ELMOD3: variants seen among roughly 807,000 people sequenced by gnomAD.
The protein encoded by ELMOD3 is ELMO domain-containing protein 3.
In ELMOD3, 36 loss-of-function variants were observed where a neutral mutation model predicts 47.4. The observed-to-expected ratio is 0.76, with a 90% confidence interval of 0.58 to 1.00. The LOEUF is 1.00. Ranked by LOEUF, ELMOD3 falls within the 50% of genes least tolerant of loss-of-function variation. ELMOD3 has a pLI of 0.00. For synonymous variants in ELMOD3, 149 were observed against 183.5 expected (o/e 0.81, Z 1.52); for missense variants, 404 against 463.8 (o/e 0.87, Z 1.18).
At chr2:85,363,018 G>C in intron 5 of ELMOD3, 79 bp from the exon 6 acceptor site, 1 of 871,626 alleles carries the variant, frequency 1.1e-6, no homozygotes, top group South Asian at 1.4e-5. Context: ...AGGACATTCA[G>C]TACAGTGGGT....
chr2:85,362,315 T>C, intron 5 of ELMOD3, 55 bp downstream of exon 5: 2 of 1,090,656 alleles, frequency 1.8e-6, no homozygotes, highest in Non-Finnish European at 2.9e-6. Flanking sequence ...TGTGTGTTAC[T>C]GTGTGGTGCC....
intron 8 of ELMOD3, among the ~76,000 whole-genome samples, chr2:85,370,712 G>T (rs192246738): frequency 1.0e-3 from 154 of 152,266 alleles, no homozygotes; most frequent in African/African-American, 3.6e-3. Context: ...ACTCTAGTGG[G>T]TCCCCACCTC....
At position 85,390,251 on chromosome 2, in the gene ELMOD3, G is replaced by C; in HGVS notation, c.929G>C (p.Gly310Ala). 2 of 1,614,148 alleles carry C rather than the reference G, an allele frequency of 1.2e-6. No homozygotes were observed. Among genetic ancestry groups the C allele is most frequent in the Non-Finnish European group, 1.7e-6 (2 of 1,180,026 alleles). The change falls in exon 13 of 14, where the codon GGC (glycine) becomes GCC (alanine). Residue 310 changes from glycine to alanine, a missense_variant. Transcript: ENST00000409013. ...RTQRKTISDS[G>A]FVLKELEVLA... Reference sequence around the variant, plus strand: ...CAGCGGAAGACCATCTCAGACTCGGGCTTTGTCCTCAAAGGTGTGCTCTTT... The same window carrying C: ...CAGCGGAAGACCATCTCAGACTCGGCCTTTGTCCTCAAAGGTGTGCTCTTT...
chr2:85,390,394 A>G (rs1411886733), intron 13 of ELMOD3, 129 bp downstream of exon 13: 2 of 1,614,038 alleles, frequency 1.2e-6, no homozygotes, highest in Middle Eastern at 1.6e-4. Context: ...ATTCCAGCTT[A>G]CCAAAATCTC....
At chr2:85,386,785 C>G (rs528728292) in intron 11 of ELMOD3, among the ~76,000 whole-genome samples, 1 of 152,136 alleles carries the variant, frequency 6.6e-6, no homozygotes, top group Non-Finnish European at 1.5e-5. Context: ...CACCTGAGGT[C>G]GGGAGGTCGA....
At chr2:85,378,517 C>T (rs1037297956) in intron 11 of ELMOD3, among the ~76,000 whole-genome samples, 10 of 152,098 alleles carry the variant, frequency 6.6e-5, no homozygotes, top group African/African-American at 2.2e-4. Context: ...GAAGCAAAAG[C>T]GGGAGGACTC....
chr2:85,369,431 G>T (rs1173424480), intron 7 of ELMOD3, among the ~76,000 whole-genome samples: 1 of 152,190 alleles, frequency 6.6e-6, no homozygotes, highest in Non-Finnish European at 1.5e-5. Context: ...TCTTATGTGG[G>T]TACCCACCCC....
chr2:85,364,825 A>ATATATATAT (rs375582916), intron 6 of ELMOD3, among the ~76,000 whole-genome samples: 43 of 69,898 alleles, frequency 6.2e-4, no homozygotes, highest in African/African-American at 1.9e-3. Context: ...ATATATATAT[A>ATATATATAT]TTTTTTTTTT....
intron 6 of ELMOD3, among the ~76,000 whole-genome samples, chr2:85,364,860 C>T (rs1296296413): frequency 1.9e-5 from 2 of 104,570 alleles, no homozygotes; most frequent in Non-Finnish European, 3.5e-5. Flanking sequence ...TTTCCAGAGA[C>T]AGGGTCTCAC....
In ELMOD3 at chr2:85,362,181, T is replaced by C. The variant is rs1454375788; in HGVS notation, c.55-5T>C. 18 of 1,559,618 alleles carry C rather than the reference T, an allele frequency of 1.2e-5. No individual in the cohort carries two copies. Among genetic ancestry groups the C allele is most frequent in the Non-Finnish European group, 1.6e-5 (18 of 1,130,166 alleles). ...CTAGGAGATTGACCCTTGTCTGTTT[T>C]ACAGGGTGAAAGATTGTCTGCTGGA... On this transcript the variant is annotated splice_polypyrimidine_tract_variant and splice_region_variant and intron_variant, in intron 4 of 13. Transcript: ENST00000409013.
chr2:85,363,065 A>G (rs768302094), intron 5 of ELMOD3, 32 bp from the exon 6 acceptor site: 12 of 1,445,398 alleles, frequency 8.3e-6, no homozygotes, highest in African/African-American at 4.2e-5. Context: ...TGTGGATTCT[A>G]TCCTCAAGCT....
At chr2:85,375,234 T>G (rs1214693972) in intron 10 of ELMOD3, among the ~76,000 whole-genome samples, 1 of 152,256 alleles carries the variant, frequency 6.6e-6, no homozygotes, top group Non-Finnish European at 1.5e-5. Flanking sequence ...TGGTCAATTT[T>G]CAGCTGTGAT....
chr2:85,387,172 C>G (rs747798289), intron 11 of ELMOD3: 2 of 1,273,178 alleles, frequency 1.6e-6, no homozygotes, highest in South Asian at 2.6e-5. Context: ...CCTGAAGGTA[C>G]AGAGGTATAC....
chr2:85,389,850 G>C (rs1165904175), intron 12 of ELMOD3, 23 bp downstream of exon 12: 14 of 1,603,064 alleles, frequency 8.7e-6, no homozygotes, highest in Non-Finnish European at 1.2e-5. Context: ...ACACCAGCTG[G>C]TTAGAGTGAC....
chr2:85,362,072 C>T (rs752697222), intron 4 of ELMOD3, 114 bp from the exon 5 acceptor site: 4 of 688,554 alleles, frequency 5.8e-6, no homozygotes, highest in Non-Finnish European at 7.6e-6. Flanking sequence ...TGTAACAAAC[C>T]TGCACATGTA....
intron 11 of ELMOD3, among the ~76,000 whole-genome samples, chr2:85,380,802 G>A (rs893856618): frequency 1.3e-5 from 2 of 152,138 alleles, no homozygotes; most frequent in Non-Finnish European, 2.9e-5. Context: ...TGAGATTACA[G>A]GCATGAGCCA....
At chr2:85,368,891 T>C in intron 7 of ELMOD3, 137 bp downstream of exon 7, 5 of 832,660 alleles carry the variant, frequency 6.0e-6, no homozygotes, top group Non-Finnish European at 9.7e-6. Context: ...CTATATAACA[T>C]AGATTACAGT....
chr2:85,369,893 T>C, intron 8 of ELMOD3, 63 bp downstream of exon 8: 1 of 1,591,488 alleles, frequency 6.3e-7, no homozygotes, highest in Non-Finnish European at 8.6e-7. Flanking sequence ...GCCAAGCCTC[T>C]ATCCCACCAG....
chr2:85,376,431 C>A lies in ELMOD3; in HGVS notation c.608-913C>A, dbSNP rs1271603297. On this transcript the variant is annotated intron_variant, in intron 10 of 13. Coordinates refer to ENST00000409013, the MANE Select transcript of ELMOD3 (RefSeq NM_001135022.2). The surrounding 1 kb of genome is among the most constrained non-coding windows in gnomAD (Gnocchi z 4.2). ...TATCCCACTTGGCTTGCAGTAATAC[C>A]AAGTTCAAGACCAGCCTGGCCAACA... Among the ~76,000 whole-genome samples, 2 of 152,132 alleles carry A rather than the reference C, an allele frequency of 1.3e-5. No individual in the cohort carries two copies. Among genetic ancestry groups the A allele is most frequent in the Non-Finnish European group, 2.9e-5 (2 of 68,010 alleles).
Sources: gnomAD v4.1 joint callset for allele counts (sites outside exome capture counted in the v4.1 genomes callset) on GRCh38, gnomAD v4.1.1 for gene constraint, Gnocchi (gnomAD v3.1) non-coding constraint, MANE v1.5 for transcripts, NCBI Gene and HGNC (gene_info 2026-07-23, HGNC 2026-07-21) for gene names.